The following ESCO1 variants were observed in gnomAD, a reference collection of about 807,000 sequenced individuals.
The protein encoded by ESCO1 is establishment of sister chromatid cohesion N-acetyltransferase 1.
Under a neutral mutation model 83.5 loss-of-function variants are expected in ESCO1, and 33 were observed. The observed-to-expected ratio is 0.40, with a 90% CI of 0.30 to 0.53. The LOEUF is 0.53. Among genes scored for constraint, ESCO1 ranks in the 20% least tolerant of loss-of-function variants. The probability of loss-of-function intolerance (pLI) is 0.63; values close to 1 mark genes in which losing one functional copy is unlikely to be tolerated. For missense variants in ESCO1, 855 were observed against 968.0 expected, an observed-to-expected ratio of 0.88 and a Z score of 1.55; for synonymous variants, 332 against 324.3, an observed-to-expected ratio of 1.02 and a Z score of -0.25.
At chr18:21,531,921 C>G (rs943022609) in intron 11 of ESCO1, among the ~76,000 whole-genome samples, 5 of 133,136 alleles carry the variant, frequency 3.8e-5, no homozygotes, top group African/African-American at 1.4e-4. Context: ...AAAAAATTGG[C>G]TGACCTAAAA....
intron 1 of ESCO1, among the ~76,000 whole-genome samples, chr18:21,595,364 CAAA>C (rs781532392): frequency 6.9e-5 from 3 of 43,738 alleles, no homozygotes; most frequent in African/African-American, 7.9e-5. Context: ...AACTCCGTCT[CAAA>C]AAAAAAAAAA....
Position 21,567,765 on chromosome 18 carries a change from G to A in ESCO1, c.1645+215C>T, listed in dbSNP as rs149094768. 3.0e-3 allele frequency among the ~76,000 whole-genome samples: 464 copies of A among 152,248 alleles called. 3 individuals carry two copies. The highest frequency in any genetic ancestry group is 3.1e-3 in the Non-Finnish European group (209 of 68,022). On this transcript the variant is annotated intron_variant, in intron 5 of 11. Transcript: ENST00000269214. ...TAAAAAACAAAAGAACTTTTGGTAG[G>A]GAGTCAAAGGGTAGTACTTAGGTAC... is the stretch of plus-strand genomic sequence containing the variant.
intron 8 of ESCO1, among the ~76,000 whole-genome samples, chr18:21,551,335 T>C (rs1384729662): frequency 6.6e-6 from 1 of 150,846 alleles, no homozygotes; most frequent in Non-Finnish European, 1.5e-5. Context: ...CCAGGCGTAG[T>C]GGCGGCACCT....
At chr18:21,546,291 T>G (rs1422876916) in intron 8 of ESCO1, among the ~76,000 whole-genome samples, 3 of 152,100 alleles carry the variant, frequency 2.0e-5, no homozygotes, top group African/African-American at 7.2e-5. Flanking sequence ...GGCTCACACC[T>G]ATAATCCATA....
At chr18:21,582,911 C>A (rs2038522231) in intron 2 of ESCO1, among the ~76,000 whole-genome samples, 2 of 152,242 alleles carry the variant, frequency 1.3e-5, no homozygotes, top group Admixed American at 1.3e-4. Context: ...TAATTTCACG[C>A]CTGGCGTGAT....
chr18:21,540,737 A>C (rs770316946), intron 8 of ESCO1: 2 of 1,250,624 alleles, frequency 1.6e-6, no homozygotes, highest in Non-Finnish European at 2.0e-6. Context: ...AAGCCACTTA[A>C]ATCTAGTAAG....
At chr18:21,579,673 G>A (rs1166075211) in intron 2 of ESCO1, among the ~76,000 whole-genome samples, 1 of 150,626 alleles carries the variant, frequency 6.6e-6, no homozygotes, top group African/African-American at 2.5e-5. Context: ...TCGGGAGGCT[G>A]AGGCAGGAGA....
At chr18:21,532,437 T>G (rs765681117) in intron 11 of ESCO1, 36 bp downstream of exon 11, 10 of 1,583,054 alleles carry the variant, frequency 6.3e-6, no homozygotes, top group Non-Finnish European at 8.6e-6. Context: ...AGTCCTAAAC[T>G]ACTAAAAATG....
At chr18:21,598,468 G>A (rs199689192) in intron 1 of ESCO1, among the ~76,000 whole-genome samples, 1 of 152,158 alleles carries the variant, frequency 6.6e-6, no homozygotes, top group African/African-American at 2.4e-5. Flanking sequence ...GGGAGGCCGA[G>A]GCAGGCGGAT....
Position 21,573,777 on chromosome 18 carries a change from G to A in ESCO1, c.1067C>T (p.Thr356Ile), listed in dbSNP as rs368506322. 1.4e-5 allele frequency: 23 copies of A among 1,613,944 alleles called. No individual in the cohort carries two copies. The highest frequency in any genetic ancestry group is 1.9e-5 in the Non-Finnish European group (23 of 1,180,006). ...ACGATTACATTGCACATCCTGATTT[G>A]TTTCCTTCTGATGAAGTATTTGTCT... ...VERQILHQKETNQDVQCNRFF... is the reference protein window; with the variant it reads ...VERQILHQKEINQDVQCNRFF... Residue 356 changes from threonine (T) to isoleucine (I), a missense_variant, in exon 4 of 12, where the codon ACA becomes ATA. Thr to Ile is a moderately conservative substitution (Grantham distance 89). Around this residue, in one of 2 missense-constraint regions of ESCO1, gnomAD observed 726 missense variants for 699.5 expected, o/e 1.04. Coordinates refer to ENST00000269214, the MANE Select transcript of ESCO1 (RefSeq NM_052911.3).
chr18:21,565,955 A>T (rs2038253790), intron 6 of ESCO1, among the ~76,000 whole-genome samples, 191 bp downstream of exon 6: 1 of 152,080 alleles, frequency 6.6e-6, no homozygotes, highest in South Asian at 2.1e-4. Context: ...ATAAAGAAAT[A>T]AAGAATGAGG....
chr18:21,564,493 C>G (rs2038232361), intron 6 of ESCO1, among the ~76,000 whole-genome samples, 176 bp from the exon 7 acceptor site: 1 of 151,888 alleles, frequency 6.6e-6, no homozygotes, highest in Non-Finnish European at 1.5e-5. Flanking sequence ...TGGGTTCATG[C>G]CATTCTCCTG....
intron 1 of ESCO1, among the ~76,000 whole-genome samples, chr18:21,586,100 C>T (rs2038572533): frequency 6.6e-6 from 1 of 152,150 alleles, no homozygotes; most frequent in Non-Finnish European, 1.5e-5. Flanking sequence ...AATACAGTCA[C>T]CCTAGTGAGC....
chr18:21,531,144 A>G (rs1159112774), intron 11 of ESCO1, among the ~76,000 whole-genome samples: 1 of 152,182 alleles, frequency 6.6e-6, no homozygotes, highest in Non-Finnish European at 1.5e-5. Flanking sequence ...AATAACATCA[A>G]AAAAAATTAA....
At chr18:21,597,163 T>C (rs1349545967) in intron 1 of ESCO1, among the ~76,000 whole-genome samples, 1 of 152,146 alleles carries the variant, frequency 6.6e-6, no homozygotes, top group African/African-American at 2.4e-5. Flanking sequence ...AGAATCAGAG[T>C]ATTACAACTA....
chr18:21,542,551 A>G (rs1451509531), intron 8 of ESCO1, among the ~76,000 whole-genome samples: 4 of 152,218 alleles, frequency 2.6e-5, no homozygotes, highest in Admixed American at 2.0e-4. Flanking sequence ...GCTGTATTTA[A>G]GATGACTGCT....
In ESCO1 at chr18:21,560,964, T is replaced by G; in HGVS notation, c.1848A>C (p.Ala616=). Residue 616 remains alanine, a synonymous_variant, in exon 8 of 12, where the codon GCA becomes GCC. Transcript: ENST00000269214. Reference sequence around the variant, plus strand: ...GCATTCCACAAACATTACAAGAAACTGCTCCAAATCTTTTTTGTCCTGCAT... The same window carrying G: ...GCATTCCACAAACATTACAAGAAACGGCTCCAAATCTTTTTTGTCCTGCAT... ...IIDAGQKRFG[A]VSCNVCGMLY... The G allele has an allele frequency of 6.3e-7, 1 of 1,595,970 alleles. No homozygotes were observed. The highest frequency in any genetic ancestry group is 8.5e-7 in the Non-Finnish European group (1 of 1,173,566).
chr18:21,549,331 G>A (rs902762508), intron 8 of ESCO1, among the ~76,000 whole-genome samples: 1 of 152,154 alleles, frequency 6.6e-6, no homozygotes, highest in African/African-American at 2.4e-5. Context: ...GGACAGCAGA[G>A]TGCTGAATGA....
intron 2 of ESCO1, among the ~76,000 whole-genome samples, chr18:21,580,105 G>A (rs2038481130): frequency 6.6e-6 from 1 of 151,614 alleles, no homozygotes; most frequent in Admixed American, 6.6e-5. Context: ...CGGTGTATTG[G>A]TCAGGCTGGT....
Sources: gnomAD v4.1 joint callset for allele counts (sites outside exome capture counted in the v4.1 genomes callset) on GRCh38, gnomAD v4.1.1 for gene constraint, gnomAD v4.1.1 regional missense constraint, MANE v1.5 for transcripts, NCBI Gene and HGNC (gene_info 2026-07-23, HGNC 2026-07-21) for gene names.